The following EDDM13 variants were observed in gnomAD, a reference collection of about 807,000 sequenced individuals.
EDDM13 encodes epididymal protein 13.
Under a neutral mutation model 17.8 loss-of-function variants are expected in EDDM13, and 24 were observed. That is an observed-to-expected ratio of 1.35 (90% CI 0.98 to 1.90). The LOEUF is 1.90. EDDM13 is among the 40% of genes most tolerant of loss of function. EDDM13 has a pLI of 0.00. For missense variants in EDDM13, 97 were observed against 100.8 expected, an observed-to-expected ratio of 0.96 and a Z score of 0.16; for synonymous variants, 31 against 37.5, an observed-to-expected ratio of 0.83 and a Z score of 0.63.
chr19:56,286,473 C>G (rs1053905074), intron 6 of EDDM13: 1 of 152,054 alleles, frequency 6.6e-6, no homozygotes, highest in Non-Finnish European at 1.5e-5. Flanking sequence ...ACAGCTTTCT[C>G]CTTAAGTCAA....
intron 13 of EDDM13, chr19:56,302,826 T>C: frequency 2.5e-6 from 1 of 398,692 alleles, no homozygotes; most frequent in Non-Finnish European, 4.4e-6. Context: ...TGCCGCTGTC[T>C]CTTGTTCTTT....
chr19:56,307,383 G>T (rs555232944), intron 14 of EDDM13, among the ~76,000 whole-genome samples: 1 of 152,166 alleles, frequency 6.6e-6, no homozygotes, highest in African/African-American at 2.4e-5. Flanking sequence ...AACTTTAAAA[G>T]AAAGAAAATC....
chr19:56,278,161 G>A (rs547590132), intron 2 of EDDM13, among the ~76,000 whole-genome samples: 100 of 150,120 alleles, frequency 6.7e-4, no homozygotes, highest in Admixed American at 8.7e-4. Flanking sequence ...TTGCTCTGTC[G>A]CCCAGGCTGG....
At chr19:56,285,769 A>G (rs995435408) in intron 6 of EDDM13, among the ~76,000 whole-genome samples, 4 of 151,744 alleles carry the variant, frequency 2.6e-5, no homozygotes, top group South Asian at 2.1e-4. Flanking sequence ...ATGAGCCATC[A>G]CGCCCAGCCC....
At chr19:56,302,595 T>TCTTCCTTTCCTTCCTCC (rs2040391177) in intron 13 of EDDM13, among the ~76,000 whole-genome samples, 19 of 37,480 alleles carry the variant, frequency 5.1e-4, no homozygotes, top group African/African-American at 2.8e-3. Context: ...TTTCTTCCTC[T>TCTTCCTTTCCTTCCTCC]CCCTCTTCTT....
intron 3 of EDDM13, 97 bp downstream of exon 3, chr19:56,281,795 C>T (rs990013783): frequency 1.2e-5 from 8 of 658,018 alleles, no homozygotes; most frequent in Middle Eastern, 7.4e-4. Context: ...TGCTGACGAT[C>T]ACATTCAACC....
At chr19:56,300,703 G>A (rs1193989974) in intron 12 of EDDM13, among the ~76,000 whole-genome samples, 1 of 152,172 alleles carries the variant, frequency 6.6e-6, no homozygotes, top group Non-Finnish European at 1.5e-5. Flanking sequence ...TTTCAACAGG[G>A]AGAATTCATT....
chr19:56,303,304 C>A (rs2040468928), intron 13 of EDDM13, among the ~76,000 whole-genome samples: 1 of 151,884 alleles, frequency 6.6e-6, no homozygotes, highest in Admixed American at 6.6e-5. Context: ...ATGGTGAAAC[C>A]CCGTCTCTAC....
chr19:56,284,230 T>C (rs2038934379), intron 5 of EDDM13, 24 bp downstream of exon 5: 1 of 972,702 alleles, frequency 1.0e-6, no homozygotes, highest in Admixed American at 6.2e-5. Context: ...CACTTCACAA[T>C]GCCCCCAGAC....
At chr19:56,306,262 G>A (rs892445783) in intron 14 of EDDM13, among the ~76,000 whole-genome samples, 10 of 152,270 alleles carry the variant, frequency 6.6e-5, no homozygotes, top group East Asian at 3.9e-4. Flanking sequence ...CTCTTCCCTC[G>A]ATAGCTGCAA....
At chr19:56,307,706 A>AT (rs2040790389) in intron 14 of EDDM13, among the ~76,000 whole-genome samples, 1 of 152,146 alleles carries the variant, frequency 6.6e-6, no homozygotes, top group Non-Finnish European at 1.5e-5. Context: ...AGGTAATACA[A>AT]TTTTTTCCCC....
At position 56,302,576 on chromosome 19, in the gene EDDM13, C is replaced by T. The variant is rs1379381975; in HGVS notation, c.423+481C>T. On this transcript the variant is annotated intron_variant, in intron 13 of 14. Coordinates refer to ENST00000649256, the MANE Select transcript of EDDM13 (RefSeq NM_001354658.2). Reference sequence around the variant, plus strand: ...CCCTCCCTCCCCCCTTCCTTTTCTTCCTCCCCCTTTTCTTCCTCTCCCTCT... The same window carrying T: ...CCCTCCCTCCCCCCTTCCTTTTCTTTCTCCCCCTTTTCTTCCTCTCCCTCT... 1.3e-4 allele frequency among the ~76,000 whole-genome samples: 12 copies of T among 91,330 alleles called. No individual in the cohort carries two copies. In the South Asian group the frequency reaches 3.2e-3, roughly 24 times the overall value. The allele number at this position is 91,330 out of a possible 152,430, so 59.9% of individuals were successfully genotyped here. A position where few individuals can be genotyped will look rare whatever the true frequency, so the allele number is the denominator to read the frequency against.
intron 2 of EDDM13, among the ~76,000 whole-genome samples, chr19:56,279,299 C>G (rs1404072720): frequency 6.6e-6 from 1 of 151,998 alleles, no homozygotes; most frequent in African/African-American, 2.4e-5. Flanking sequence ...TCCACCCCTA[C>G]TAGACTGCAA....
intron 6 of EDDM13, among the ~76,000 whole-genome samples, 192 bp from the exon 7 acceptor site, chr19:56,288,191 CCA>C (rs2039266557): frequency 6.6e-6 from 1 of 152,168 alleles, no homozygotes; most frequent in Admixed American, 6.5e-5. Flanking sequence ...TCACTGAGCT[CCA>C]GATACTCTCC....
chr19:56,300,746 A>G (rs1263500327), intron 12 of EDDM13, among the ~76,000 whole-genome samples: 2 of 152,110 alleles, frequency 1.3e-5, no homozygotes, highest in Non-Finnish European at 2.9e-5. Flanking sequence ...TTGCCTGTAC[A>G]CTGGTAATGT....
At chr19:56,299,651 C>G (rs946726025) in intron 12 of EDDM13, among the ~76,000 whole-genome samples, 9 of 152,188 alleles carry the variant, frequency 5.9e-5, no homozygotes, top group Non-Finnish European at 1.2e-4. Flanking sequence ...ATAATGCTTG[C>G]ATTTAACCTA....
intron 6 of EDDM13, among the ~76,000 whole-genome samples, chr19:56,288,070 G>C (rs543042181): frequency 6.6e-6 from 1 of 152,296 alleles, no homozygotes; most frequent in African/African-American, 2.4e-5. Context: ...TGATGGTCAC[G>C]AGGCTGGTGT....
chr19:56,284,960 C>A, intron 5 of EDDM13, 38 bp from the exon 6 acceptor site: 1 of 974,460 alleles, frequency 1.0e-6, no homozygotes, highest in Non-Finnish European at 1.2e-6. Context: ...TTTCTTTCTG[C>A]TGCATTTGCA....
intron 9 of EDDM13, among the ~76,000 whole-genome samples, chr19:56,294,523 G>A (rs1025834036): frequency 4.6e-5 from 7 of 152,122 alleles, no homozygotes; most frequent in African/African-American, 1.7e-4. Flanking sequence ...GCGCTAAATA[G>A]TAAACATCTT....
Sources: gnomAD v4.1 joint callset for allele counts (sites outside exome capture counted in the v4.1 genomes callset) on GRCh38, gnomAD v4.1.1 for gene constraint, MANE v1.5 for transcripts, NCBI Gene and HGNC (gene_info 2026-07-23, HGNC 2026-07-21) for gene names.